SYNDIG1: variants seen among roughly 807,000 people sequenced by gnomAD.
The protein encoded by SYNDIG1 is synapse differentiation-inducing gene protein 1.
SYNDIG1 carries 9 observed loss-of-function variants against 19.4 expected under a neutral mutation model. The observed-to-expected ratio is 0.46, with a 90% confidence interval of 0.28 to 0.81. The LOEUF (loss-of-function observed/expected upper bound fraction) is 0.81, where lower values mean the gene tolerates loss of function less well. Among genes scored for constraint, SYNDIG1 ranks in the 30% least tolerant of loss-of-function variants. SYNDIG1 has a pLI of 0.12. For synonymous variants in SYNDIG1, 141 were observed against 145.9 expected, an observed-to-expected ratio of 0.97 and a Z score of 0.24; for missense variants, 311 against 343.3, an observed-to-expected ratio of 0.91 and a Z score of 0.74.
At chr20:24,503,959 T>G (rs1600458640) in intron 1 of SYNDIG1, among the ~76,000 whole-genome samples, 1 of 148,086 alleles carries the variant, frequency 6.8e-6, no homozygotes, top group South Asian at 2.2e-4. Flanking sequence ...AGAGCAGGTT[T>G]TTTTTTTTTT....
intron 1 of SYNDIG1, among the ~76,000 whole-genome samples, chr20:24,531,272 A>G (rs1600538282): frequency 1.3e-5 from 2 of 152,340 alleles, no homozygotes; most frequent in South Asian, 2.1e-4. Flanking sequence ...AGGGATGGAC[A>G]TGGAATACTA....
chr20:24,512,215 A>T (rs2056762463), intron 1 of SYNDIG1, among the ~76,000 whole-genome samples: 1 of 147,624 alleles, frequency 6.8e-6, no homozygotes, highest in Admixed American at 6.8e-5. Context: ...AGCGTGAGCG[A>T]TGAAGAAGAT....
At chr20:24,501,175 T>A (rs2056445809) in intron 1 of SYNDIG1, among the ~76,000 whole-genome samples, 1 of 152,250 alleles carries the variant, frequency 6.6e-6, no homozygotes, top group African/African-American at 2.4e-5. Context: ...TCTATTTTTT[T>A]ATATTATAAA....
At chr20:24,589,331 A>T (rs888717870) in intron 3 of SYNDIG1, among the ~76,000 whole-genome samples, 1 of 152,240 alleles carries the variant, frequency 6.6e-6, no homozygotes, top group African/African-American at 2.4e-5. Context: ...GGTAGCAAGT[A>T]TGGGCACATG....
intron 2 of SYNDIG1, among the ~76,000 whole-genome samples, chr20:24,551,110 A>T (rs1478192242): frequency 1.3e-5 from 2 of 152,200 alleles, no homozygotes; most frequent in East Asian, 3.8e-4. Context: ...GTTAGAACTC[A>T]CCAGTGAAGG....
intron 1 of SYNDIG1, among the ~76,000 whole-genome samples, chr20:24,493,021 G>T (rs1401486679): frequency 6.6e-6 from 1 of 152,222 alleles, no homozygotes. Flanking sequence ...GCAGGTAAGG[G>T]ATATTGAAAT....
At chr20:24,568,461 C>T (rs997451357) in intron 2 of SYNDIG1, among the ~76,000 whole-genome samples, 4 of 152,160 alleles carry the variant, frequency 2.6e-5, no homozygotes, top group Admixed American at 2.0e-4. Flanking sequence ...CGGGAGGCGT[C>T]TGTCATCCTC....
intron 1 of SYNDIG1, among the ~76,000 whole-genome samples, chr20:24,472,221 T>C (rs917173386): frequency 6.6e-6 from 1 of 152,106 alleles, no homozygotes; most frequent in Non-Finnish European, 1.5e-5. Flanking sequence ...GGTGAGATAT[T>C]GAAGAAGGAA....
At chr20:24,540,800 G>A (rs1371630264) in intron 1 of SYNDIG1, among the ~76,000 whole-genome samples, 1 of 152,114 alleles carries the variant, frequency 6.6e-6, no homozygotes, top group African/African-American at 2.4e-5. Flanking sequence ...ATTCAGTTTA[G>A]TAGTATTTTG....
chr20:24,530,547 T>C (rs1568615360), intron 1 of SYNDIG1, among the ~76,000 whole-genome samples: 1 of 152,214 alleles, frequency 6.6e-6, no homozygotes, highest in Non-Finnish European at 1.5e-5. Flanking sequence ...AGCAGCTCTT[T>C]TCTCTATACA....
At chr20:24,533,471 C>T (rs953367564) in intron 1 of SYNDIG1, among the ~76,000 whole-genome samples, 3 of 152,132 alleles carry the variant, frequency 2.0e-5, no homozygotes, top group African/African-American at 7.2e-5. Context: ...GATAACACCT[C>T]GCAGGCTTGT....
chr20:24,625,672 G>A (rs936389593), intron 3 of SYNDIG1, among the ~76,000 whole-genome samples: 2 of 151,750 alleles, frequency 1.3e-5, no homozygotes, highest in Non-Finnish European at 2.9e-5. Context: ...GAGAGCACAG[G>A]GTTGGGGGTA....
chr20:24,661,936 C>A (rs2059608712), intron 3 of SYNDIG1, among the ~76,000 whole-genome samples: 1 of 152,028 alleles, frequency 6.6e-6, no homozygotes, highest in Admixed American at 6.5e-5. Context: ...TGGGTTTCAG[C>A]ATTAAACACT....
At chr20:24,603,438 A>G (rs1389993726) in intron 3 of SYNDIG1, among the ~76,000 whole-genome samples, 1 of 152,096 alleles carries the variant, frequency 6.6e-6, no homozygotes, top group Non-Finnish European at 1.5e-5. Context: ...GCTGTTCACA[A>G]GAGGTGTTAA....
intron 1 of SYNDIG1, among the ~76,000 whole-genome samples, chr20:24,475,365 A>G (rs1225270813): frequency 2.0e-5 from 3 of 152,226 alleles, no homozygotes. Flanking sequence ...AAGTGCATTT[A>G]AGAAAGCCTA....
chr20:24,550,497 A>G (rs962660866), intron 2 of SYNDIG1, among the ~76,000 whole-genome samples: 2 of 145,596 alleles, frequency 1.4e-5, no homozygotes, highest in African/African-American at 5.1e-5. Flanking sequence ...ATCATGTGGT[A>G]TATTACGTTA....
intron 1 of SYNDIG1, among the ~76,000 whole-genome samples, chr20:24,485,655 C>T (rs568828820): frequency 6.6e-6 from 1 of 152,252 alleles, no homozygotes; most frequent in South Asian, 2.1e-4. Flanking sequence ...GCCCTTTTAG[C>T]AAGTGTGTGT....
intron 1 of SYNDIG1, among the ~76,000 whole-genome samples, chr20:24,510,494 G>A (rs990541393): frequency 1.3e-5 from 2 of 151,196 alleles, no homozygotes; most frequent in African/African-American, 2.4e-5. Flanking sequence ...TCTTGAACCC[G>A]GGAGGCAGAG....
rs75279311 is a variant in SYNDIG1, at chr20:24,658,594, C to T, written c.619-6752C>T. On this transcript the variant is annotated intron_variant, in intron 3 of 3. Coordinates refer to ENST00000376862, the MANE Select transcript of SYNDIG1 (RefSeq NM_024893.3). This position sits in a 1 kb window ranked among gnomAD's most constrained non-coding sequence, Gnocchi z 4.4. ...CATTATCTCCACCCTGACATCGAACCGTGTGGAGTATGACCCCCCACCCCC... is the reference window on the plus strand; with the variant it reads ...CATTATCTCCACCCTGACATCGAACTGTGTGGAGTATGACCCCCCACCCCC... 2.0e-5 allele frequency among the ~76,000 whole-genome samples: 3 copies of T among 152,104 alleles called. No individual in the cohort carries two copies. Among genetic ancestry groups the T allele is most frequent in the East Asian group, 3.9e-4 (2 of 5,150 alleles).
Sources: gnomAD v4.1 joint callset for allele counts (sites outside exome capture counted in the v4.1 genomes callset) on GRCh38, gnomAD v4.1.1 for gene constraint, Gnocchi (gnomAD v3.1) non-coding constraint, MANE v1.5 for transcripts, NCBI Gene and HGNC (gene_info 2026-07-23, HGNC 2026-07-21) for gene names.